INPP4B: variants seen among roughly 807,000 people sequenced by gnomAD.
INPP4B encodes the protein inositol polyphosphate-4-phosphatase type II B.
INPP4B carries 55 observed loss-of-function variants against 122.5 expected under a neutral mutation model. The observed-to-expected ratio is 0.45, with a 90% CI of 0.36 to 0.56. INPP4B has a LOEUF of 0.56. Among genes scored for constraint, INPP4B ranks in the 20% least tolerant of loss-of-function variants. The pLI, the probability that INPP4B is intolerant of heterozygous loss-of-function variation, is 0.00. For missense variants in INPP4B, 1,000 were observed against 1,097.7 expected, an observed-to-expected ratio of 0.91 and a Z score of 1.26; for synonymous variants, 403 against 388.7, an observed-to-expected ratio of 1.04 and a Z score of -0.43.
chr4:142,440,133 A>C (rs1177595136), intron 3 of INPP4B, among the ~76,000 whole-genome samples: 1 of 152,254 alleles, frequency 6.6e-6, no homozygotes, highest in Non-Finnish European at 1.5e-5. Flanking sequence ...TTATTGTATA[A>C]ACAAACATTT....
At chr4:142,223,324 C>A (rs1463307288) in intron 12 of INPP4B, among the ~76,000 whole-genome samples, 1 of 152,036 alleles carries the variant, frequency 6.6e-6, no homozygotes, top group African/African-American at 2.4e-5. Context: ...AAATAAAAAT[C>A]AGGAAATTGA....
chr4:142,692,849 A>G (rs966569178), intron 2 of INPP4B, among the ~76,000 whole-genome samples: 2 of 151,882 alleles, frequency 1.3e-5, no homozygotes, highest in Non-Finnish European at 2.9e-5. Context: ...GAGGTTTGAG[A>G]GGATTTTTTA....
intron 11 of INPP4B, among the ~76,000 whole-genome samples, chr4:142,246,081 T>A (rs1479502769): frequency 3.1e-5 from 4 of 129,712 alleles, no homozygotes; most frequent in East Asian, 2.0e-4. Flanking sequence ...ATACACACAT[T>A]ATATATATGT....
At chr4:142,165,282 G>A (rs938426500) in intron 16 of INPP4B, among the ~76,000 whole-genome samples, 16 of 151,368 alleles carry the variant, frequency 1.1e-4, no homozygotes, top group Non-Finnish European at 1.6e-4. Context: ...CCTCACTAAC[G>A]CCTATTTTCT....
chr4:142,361,128 T>C (rs970994596), intron 7 of INPP4B, among the ~76,000 whole-genome samples: 1 of 151,888 alleles, frequency 6.6e-6, no homozygotes, highest in African/African-American at 2.4e-5. Context: ...CCACCCACCA[T>C]CATCTGTTCT....
At chr4:142,443,489 A>T (rs1457749880) in intron 3 of INPP4B, among the ~76,000 whole-genome samples, 1 of 152,142 alleles carries the variant, frequency 6.6e-6, no homozygotes, top group Non-Finnish European at 1.5e-5. Context: ...GGATGACACC[A>T]CTAGAGATCC....
chr4:142,630,537 A>T (rs964406851), intron 2 of INPP4B, among the ~76,000 whole-genome samples: 5 of 152,118 alleles, frequency 3.3e-5, no homozygotes, highest in Non-Finnish European at 5.9e-5. Context: ...TGGTTAATAC[A>T]AATTAATACT....
intron 7 of INPP4B, among the ~76,000 whole-genome samples, chr4:142,348,394 G>A (rs1198860065): frequency 6.6e-6 from 1 of 151,948 alleles, no homozygotes; most frequent in African/African-American, 2.4e-5. Flanking sequence ...TTTTTTTCCA[G>A]AATATTTTAC....
intron 2 of INPP4B, among the ~76,000 whole-genome samples, chr4:142,495,090 C>G (rs1822365513): frequency 6.6e-6 from 1 of 152,070 alleles, no homozygotes; most frequent in South Asian, 2.1e-4. Context: ...GACTAATATT[C>G]TACAAAGTTC....
intron 8 of INPP4B, among the ~76,000 whole-genome samples, chr4:142,309,062 A>G (rs2151244798): frequency 6.6e-6 from 1 of 152,296 alleles, no homozygotes; most frequent in Middle Eastern, 3.4e-3. Flanking sequence ...ATGATAACTT[A>G]TCTTTCTCAT....
At chr4:142,445,727 G>C (rs1290101909) in intron 3 of INPP4B, among the ~76,000 whole-genome samples, 1 of 152,124 alleles carries the variant, frequency 6.6e-6, no homozygotes, top group African/African-American at 2.4e-5. Context: ...CCTAACAATA[G>C]AGTACATATT....
intron 2 of INPP4B, among the ~76,000 whole-genome samples, chr4:142,626,200 T>C (rs1015361973): frequency 6.6e-6 from 1 of 152,088 alleles, no homozygotes; most frequent in African/African-American, 2.4e-5. Flanking sequence ...ACAGGCAACC[T>C]ACAAAATTCA....
chr4:142,180,591 T>C (rs1295323202), intron 15 of INPP4B, among the ~76,000 whole-genome samples: 2 of 152,146 alleles, frequency 1.3e-5, no homozygotes, highest in Non-Finnish European at 2.9e-5. Context: ...TAATTCAAGA[T>C]GTAGAAATTG....
chr4:142,563,608 T>C (rs901271306), intron 2 of INPP4B, among the ~76,000 whole-genome samples: 7 of 152,172 alleles, frequency 4.6e-5, no homozygotes, highest in African/African-American at 1.7e-4. Flanking sequence ...CCATAATACA[T>C]TTGAGTATCT....
intron 9 of INPP4B, among the ~76,000 whole-genome samples, chr4:142,304,297 T>A (rs1470268740): frequency 6.6e-6 from 1 of 152,064 alleles, no homozygotes; most frequent in African/African-American, 2.4e-5. Context: ...AAAACTGTAT[T>A]GTAATAATAT....
At chr4:142,804,823 C>T (rs192214446) in intron 1 of INPP4B, among the ~76,000 whole-genome samples, 3 of 152,232 alleles carry the variant, frequency 2.0e-5, no homozygotes, top group South Asian at 4.2e-4. Context: ...TGTGCCACCA[C>T]GTCCAGCTAA....
At chr4:142,526,196 A>G (rs982308991) in intron 2 of INPP4B, among the ~76,000 whole-genome samples, 23 of 152,080 alleles carry the variant, frequency 1.5e-4, no homozygotes, top group Non-Finnish European at 2.9e-4. Context: ...CCAGAAAGAC[A>G]GCAGTCTGCA....
At chr4:142,052,742 C>G (rs1442360815) in intron 25 of INPP4B, among the ~76,000 whole-genome samples, 1 of 152,020 alleles carries the variant, frequency 6.6e-6, no homozygotes, top group Non-Finnish European at 1.5e-5. Context: ...TTGGTGCTCT[C>G]ACTGACTAGT....
intron 2 of INPP4B, among the ~76,000 whole-genome samples, chr4:142,483,183 T>A (rs1213516027): frequency 5.1e-5 from 1 of 19,632 alleles, no homozygotes. Flanking sequence ...CAGGCTATGC[T>A]TTTTTTTTTT....
Sources: gnomAD v4.1 joint callset for allele counts (sites outside exome capture counted in the v4.1 genomes callset) on GRCh38, gnomAD v4.1.1 for gene constraint, MANE v1.5 for transcripts, NCBI Gene and HGNC (gene_info 2026-07-23, HGNC 2026-07-21) for gene names.